ABCA4: variants seen among roughly 807,000 people sequenced by gnomAD.
The protein encoded by ABCA4 is ATP binding cassette subfamily A member 4.
Under a neutral mutation model 263.7 loss-of-function variants are expected in ABCA4, and 196 were observed. The observed-to-expected ratio is 0.74, with a 90% CI of 0.66 to 0.84. The LOEUF (loss-of-function observed/expected upper bound fraction) is 0.84. ABCA4 is among the 40% of genes least tolerant of loss of function. The probability of loss-of-function intolerance (pLI) is 0.00; values close to 1 mark genes in which losing one functional copy is unlikely to be tolerated. For synonymous variants in ABCA4, 1,133 were observed against 1,094.2 expected (o/e 1.04, Z -0.70); for missense variants, 2,792 against 2,855.1 (o/e 0.98, Z 0.50).
intron 16 of ABCA4, among the ~76,000 whole-genome samples, chr1:94,052,802 A>T (rs965002125): frequency 6.6e-6 from 1 of 152,202 alleles, no homozygotes; most frequent in Non-Finnish European, 1.5e-5. Context: ...CAGGGCACAG[A>T]TCTCCTAAAA....
rs1192897381 is a variant in ABCA4 at position 94,029,340 on chromosome 1, C to T, written c.4539+105G>A. ...TTTGGTTTAGTCCCCTACTCAACTG[C>T]CAGTTTGAAATGTTAGTTTGTGAGA... On this transcript the variant is annotated intron_variant, in intron 30 of 49. Coordinates refer to ENST00000370225, the MANE Select transcript of ABCA4 (RefSeq NM_000350.3). 28 of 1,158,954 alleles carry T rather than the reference C, an allele frequency of 2.4e-5. No homozygotes were observed. In the Admixed American group the frequency reaches 2.5e-4, roughly 10 times the overall value. The allele number at this position is 1,158,954 out of a possible 1,614,324, so 71.8% of individuals were successfully genotyped here.
rs12093963 is a variant in ABCA4, at chr1:94,108,364, A to G, written c.442+213T>C. 0.16 allele frequency among the ~76,000 whole-genome samples: 24,329 copies of G among 152,034 alleles called. 2,509 individuals carry two copies. Among genetic ancestry groups the G allele is most frequent in the African/African-American group, 0.28 (11,785 of 41,438 alleles). ...TGTCTCTAGACTTAACGTGGATGAG[A>G]CCTTTCCTGCCTTCCTTCCCAACTT... On this transcript the variant is annotated intron_variant, in intron 4 of 49. Transcript: ENST00000370225.
At chr1:94,024,815 G>T in intron 31 of ABCA4, 139 bp downstream of exon 31, 1 of 685,182 alleles carries the variant, frequency 1.5e-6, no homozygotes, top group Middle Eastern at 3.9e-4. Context: ...ATGTTGAATG[G>T]GGCCCTCAAA....
intron 11 of ABCA4, 82 bp downstream of exon 11, chr1:94,077,608 C>T: frequency 7.5e-7 from 1 of 1,324,858 alleles, no homozygotes; most frequent in Non-Finnish European, 1.0e-6. Flanking sequence ...AAATTCAAGA[C>T]CACTTGACTT....
intron 44 of ABCA4, among the ~76,000 whole-genome samples, chr1:94,003,747 C>T (rs1001073507): frequency 1.3e-5 from 2 of 152,168 alleles, no homozygotes; most frequent in Non-Finnish European, 2.9e-5. Context: ...ATTCCTCCCA[C>T]CTCAGCCACC....
At position 94,063,263 on chromosome 1, in the gene ABCA4, G is replaced by T. The variant is rs61748556; in HGVS notation, c.1609C>A (p.Arg537Ser). 6.2e-7 allele frequency: 1 copy of T among 1,614,164 alleles called. No individual in the cohort carries two copies. The highest frequency in any genetic ancestry group is 1.3e-5 in the African/African-American group (1 of 75,044). ...TTTTCCTCCAGTAGAGAGAGGGCACGTTGGGTGAGCTGAGTTTCATCATTG... is the reference window on the plus strand; with the variant it reads ...TTTTCCTCCAGTAGAGAGAGGGCACTTTGGGTGAGCTGAGTTTCATCATTG... ...SYNDETQLTQ[R>S]ALSLLEENMF... The change falls in exon 12 of 50, where the codon CGT becomes AGT. Residue 537 changes from arginine to serine, a missense_variant. Arg to Ser is a moderately radical substitution (Grantham distance 110). Transcript: ENST00000370225.
intron 4 of ABCA4, 148 bp downstream of exon 4, chr1:94,108,429 C>T: frequency 1.8e-6 from 2 of 1,111,756 alleles, no homozygotes; most frequent in East Asian, 2.5e-5. Context: ...GGCATCTTCA[C>T]CAAGGTGATG....
intron 44 of ABCA4, among the ~76,000 whole-genome samples, chr1:94,003,484 C>T (rs1432194895): frequency 2.0e-5 from 3 of 152,140 alleles, no homozygotes; most frequent in South Asian, 2.1e-4. Flanking sequence ...GGTATCACAT[C>T]TCGGGGCATG....
At chr1:94,072,612 A>C (rs1021394046) in intron 11 of ABCA4, among the ~76,000 whole-genome samples, 1 of 152,218 alleles carries the variant, frequency 6.6e-6, no homozygotes, top group Non-Finnish European at 1.5e-5. Context: ...GAATAAAGAC[A>C]CATATAAATT....
chr1:94,079,239 C>T (rs1661619294), intron 9 of ABCA4, 83 bp downstream of exon 9: 2 of 1,571,124 alleles, frequency 1.3e-6, no homozygotes, highest in East Asian at 4.5e-5. Context: ...ACCAGGAAGG[C>T]ACATCTCTCT....
chr1:94,014,620 A>C lies in ABCA4; in HGVS notation c.5383T>G (p.Leu1795Val), dbSNP rs1188515677. 1.9e-6 allele frequency: 3 copies of C among 1,614,214 alleles called. No individual in the cohort carries two copies. In the Admixed American group the frequency reaches 5.0e-5, roughly 27 times the overall value. Residue 1795 changes from leucine to valine, a missense_variant, in exon 38 of 50, where the codon TTA becomes GTA. Leu to Val is a conservative substitution (Grantham distance 32). Coordinates refer to ENST00000370225, the MANE Select transcript of ABCA4 (RefSeq NM_000350.3). ...CCGATGAACAGATTAGCACAAGATA[A>C]AGCCACATAGGCTGTGCTGGGGACA... ...FDVPSTAYVA[L>V]SCANLFIGIN...
chr1:94,051,843 C>T, intron 16 of ABCA4, 145 bp from the exon 17 acceptor site: 1 of 704,952 alleles, frequency 1.4e-6, no homozygotes, highest in South Asian at 1.6e-5. Context: ...TGGCTATTCT[C>T]AGGCTCCCAG....
chr1:94,087,910 C>T (rs951425995), intron 6 of ABCA4, among the ~76,000 whole-genome samples: 8 of 152,186 alleles, frequency 5.3e-5, no homozygotes, highest in Admixed American at 5.2e-4. Context: ...CTTCGCCAGC[C>T]CTTCCATCAC....
chr1:94,081,664 A>G (rs1410424605), intron 7 of ABCA4, among the ~76,000 whole-genome samples: 1 of 152,110 alleles, frequency 6.6e-6, no homozygotes, highest in Non-Finnish European at 1.5e-5. Flanking sequence ...GCAAATACAG[A>G]ACAGATGAAG....
In ABCA4 at chr1:94,048,930, A is replaced by C; in HGVS notation, c.2681T>G (p.Leu894Arg). The change falls in exon 18 of 50, where the codon CTG becomes CGG. Residue 894 changes from leucine (L) to arginine (R), a missense_variant. Physicochemically the swap from Leu to Arg is moderately radical, Grantham distance 102. Coordinates refer to ENST00000370225, the MANE Select transcript of ABCA4 (RefSeq NM_000350.3). ...EGCSTREERA[L>R]EKTEPLTEET... is the part of the protein sequence containing the mutation. ...CTCTGTTAGGGGCTCGGTCTTTTCC[A>C]GGGCTCTTTCTTCTCTGGTTGAACA... 6.2e-7 allele frequency: 1 copy of C among 1,613,928 alleles called. No individual in the cohort carries two copies. Among genetic ancestry groups the C allele is most frequent in the Non-Finnish European group, 8.5e-7 (1 of 1,179,992 alleles).
intron 48 of ABCA4, among the ~76,000 whole-genome samples, chr1:93,996,780 G>T (rs118029085): frequency 6.6e-6 from 1 of 152,120 alleles, no homozygotes; most frequent in Non-Finnish European, 1.5e-5. Context: ...GCACATATAC[G>T]TACAAAGGAA....
chr1:94,056,583 C>T lies in ABCA4; in HGVS notation c.2382+18G>A. 5 of 1,610,450 alleles carry T rather than the reference C, an allele frequency of 3.1e-6. No individual in the cohort carries two copies. The highest frequency in any genetic ancestry group is 4.2e-6 in the Non-Finnish European group (5 of 1,178,878). ...AAGGAAACGTGTTGTAGGACAGGGG[C>T]CAGCCCAAGGGCCTCACCACAGCCT... On this transcript the variant is annotated intron_variant, in intron 15 of 49. Coordinates refer to ENST00000370225, the MANE Select transcript of ABCA4 (RefSeq NM_000350.3).
intron 18 of ABCA4, among the ~76,000 whole-genome samples, chr1:94,047,849 C>T (rs1660729526): frequency 1.3e-5 from 2 of 152,344 alleles, no homozygotes; most frequent in Admixed American, 1.3e-4. Flanking sequence ...GCTCTCACTT[C>T]TCCCTGACCT....
At chr1:94,104,995 A>G (rs1384712756) in intron 4 of ABCA4, among the ~76,000 whole-genome samples, 2 of 151,926 alleles carry the variant, frequency 1.3e-5, no homozygotes, top group Non-Finnish European at 2.9e-5. Flanking sequence ...ACACATGCAC[A>G]CATGCGCACA....
Sources: allele counts gnomAD v4.1 joint callset (sites outside exome capture counted in the v4.1 genomes callset), GRCh38; gene constraint gnomAD v4.1.1; transcripts MANE v1.5; gene names NCBI Gene and HGNC (gene_info 2026-07-23, HGNC 2026-07-21).